Variants in SLC25A21 observed in about 807,000 individuals in gnomAD.
The protein encoded by SLC25A21 is solute carrier family 25 member 21, also known as mitochondrial 2-oxodicarboxylate carrier.
A neutral mutation model predicts 43.8 loss-of-function variants in SLC25A21; 47 were observed. That is an observed-to-expected ratio of 1.07 (90% CI 0.85 to 1.37). The LOEUF (loss-of-function observed/expected upper bound fraction) is 1.37, where lower values mean the gene tolerates loss of function less well. Among genes scored for constraint, SLC25A21 ranks in the 40% most tolerant of loss-of-function variants. SLC25A21 has a pLI of 0.00. For synonymous variants in SLC25A21, 131 were observed against 121.3 expected (o/e 1.08, Z -0.52); for missense variants, 352 against 350.2 (o/e 1.00, Z -0.04).
chr14:37,115,915 A>G (rs1253088927), intron 1 of SLC25A21, among the ~76,000 whole-genome samples: 2 of 152,206 alleles, frequency 1.3e-5, no homozygotes, highest in African/African-American at 4.8e-5. Context: ...TAAAGATTAA[A>G]CGTTTCTTCT....
rs1008390453 is a variant in SLC25A21, at chr14:36,856,626, C to T, written c.119+18330G>A. ...CACCCTGGAGAGAAGCTAGTTAGGG[C>T]TGTGCCAGACACATGTGTGAGTGAT... On this transcript the variant is annotated intron_variant, in intron 2 of 9. Transcript: ENST00000331299. Among the ~76,000 whole-genome samples, 118 of 152,204 alleles carry T rather than the reference C, an allele frequency of 7.8e-4. 1 individual carries two copies. The highest frequency in any genetic ancestry group is 2.1e-4 in the Non-Finnish European group (14 of 68,030).
intron 1 of SLC25A21, among the ~76,000 whole-genome samples, chr14:36,909,118 T>A (rs1891613932): frequency 1.3e-5 from 2 of 150,866 alleles, no homozygotes; most frequent in South Asian, 4.3e-4. Flanking sequence ...GGAGAAGGAA[T>A]AGATAACATG....
intron 1 of SLC25A21, among the ~76,000 whole-genome samples, chr14:37,012,956 A>T (rs1594752011): frequency 6.6e-6 from 1 of 152,354 alleles, no homozygotes; most frequent in South Asian, 2.1e-4. Flanking sequence ...CTGTGAACTT[A>T]GAATTCGGAG....
chr14:37,052,975 T>C (rs1458784214), intron 1 of SLC25A21, among the ~76,000 whole-genome samples: 1 of 152,206 alleles, frequency 6.6e-6, no homozygotes, highest in Admixed American at 6.5e-5. Flanking sequence ...GTCCTTTATA[T>C]AATCTAAGAA....
chr14:36,831,485 G>A (rs1323094922), intron 2 of SLC25A21, among the ~76,000 whole-genome samples: 4 of 152,138 alleles, frequency 2.6e-5, no homozygotes, highest in Admixed American at 2.0e-4. Flanking sequence ...TAGTATTTCT[G>A]TATATAGCTG....
At chr14:37,109,994 G>T (rs1962989119) in intron 1 of SLC25A21, among the ~76,000 whole-genome samples, 1 of 152,220 alleles carries the variant, frequency 6.6e-6, no homozygotes, top group South Asian at 2.1e-4. Flanking sequence ...CTATTACAAT[G>T]TTATTAAAAT....
chr14:36,717,060 C>A (rs1485227024), intron 6 of SLC25A21, among the ~76,000 whole-genome samples: 2 of 152,170 alleles, frequency 1.3e-5, no homozygotes, highest in Admixed American at 6.5e-5. Context: ...CAGAAAAACA[C>A]TGCTTTGTTT....
At chr14:36,838,754 C>T (rs965304981) in intron 2 of SLC25A21, among the ~76,000 whole-genome samples, 1 of 152,272 alleles carries the variant, frequency 6.6e-6, no homozygotes, top group South Asian at 2.1e-4. Context: ...TTCATGGTAA[C>T]GTGAAATGAT....
chr14:36,717,552 G>A (rs140838029), intron 6 of SLC25A21, among the ~76,000 whole-genome samples: 10 of 152,328 alleles, frequency 6.6e-5, no homozygotes, highest in South Asian at 4.1e-4. Flanking sequence ...GTGATGAGAC[G>A]CTCATGCTGT....
At chr14:37,078,549 C>T (rs1962327566) in intron 1 of SLC25A21, among the ~76,000 whole-genome samples, 1 of 152,092 alleles carries the variant, frequency 6.6e-6, no homozygotes, top group South Asian at 2.1e-4. Flanking sequence ...GCCATTCAGT[C>T]AAAGGCCCTT....
intron 1 of SLC25A21, among the ~76,000 whole-genome samples, chr14:37,085,887 C>T (rs373838162): frequency 1.9e-3 from 293 of 152,290 alleles, no homozygotes; most frequent in African/African-American, 6.4e-3. Flanking sequence ...AGGCAGATCA[C>T]GAGGTCAGGA....
intron 1 of SLC25A21, among the ~76,000 whole-genome samples, chr14:36,948,547 A>C (rs1892728747): frequency 6.6e-6 from 1 of 152,188 alleles, no homozygotes; most frequent in Admixed American, 6.5e-5. Flanking sequence ...ATCTAGTAGA[A>C]GAACATCATA....
At chr14:36,824,330 T>C (rs1888742608) in intron 2 of SLC25A21, among the ~76,000 whole-genome samples, 1 of 152,050 alleles carries the variant, frequency 6.6e-6, no homozygotes, top group Admixed American at 6.6e-5. Flanking sequence ...TTGAGGAAAA[T>C]TTCAAGGGAG....
chr14:36,747,321 G>A (rs892024116), intron 3 of SLC25A21, among the ~76,000 whole-genome samples: 4 of 152,160 alleles, frequency 2.6e-5, no homozygotes, highest in Non-Finnish European at 5.9e-5. Flanking sequence ...CCACATGTTA[G>A]CTGTTTACCC....
At chr14:36,887,742 G>A (rs999201849) in intron 1 of SLC25A21, among the ~76,000 whole-genome samples, 1 of 152,102 alleles carries the variant, frequency 6.6e-6, no homozygotes, top group African/African-American at 2.4e-5. Flanking sequence ...CATTTCTGGG[G>A]ACTCTGTTTG....
At chr14:36,745,583 T>G (rs963911439) in intron 3 of SLC25A21, among the ~76,000 whole-genome samples, 2 of 152,222 alleles carry the variant, frequency 1.3e-5, no homozygotes, top group Non-Finnish European at 2.9e-5. Flanking sequence ...TTTGCATTTC[T>G]CTGATGACCA....
chr14:37,017,159 G>A (rs2138748013), intron 1 of SLC25A21, among the ~76,000 whole-genome samples: 1 of 152,046 alleles, frequency 6.6e-6, no homozygotes, highest in Admixed American at 6.6e-5. Context: ...CCTAGCTTTT[G>A]GCCTATCTTA....
intron 7 of SLC25A21, among the ~76,000 whole-genome samples, chr14:36,686,340 T>C (rs1315700217): frequency 1.3e-5 from 2 of 152,074 alleles, no homozygotes; most frequent in Admixed American, 1.3e-4. Context: ...TTTAAATAAT[T>C]CCCTCTCCCC....
At position 37,098,774 on chromosome 14, in the gene SLC25A21, C is replaced by CAGATAGATAGAT. The variant is rs1446755880; in HGVS notation, c.70+73506_70+73507insATCTATCTATCT. Among the ~76,000 whole-genome samples, 220 of 119,926 alleles carry CAGATAGATAGAT rather than the reference C, an allele frequency of 1.8e-3. 2 individuals are homozygous for CAGATAGATAGAT. The highest frequency in any genetic ancestry group is 7.5e-3 in the African/African-American group (207 of 27,630). 78.7% of individuals were successfully genotyped at this position (119,926 alleles called of 152,430 possible). On this transcript the variant is annotated intron_variant, in intron 1 of 9. Coordinates refer to ENST00000331299, the MANE Select transcript of SLC25A21 (RefSeq NM_030631.4). ...ACAGACAGACAGACAGACAGACAGA[C>CAGATAGATAGAT]AGACAGACAGACAGATAGATAGATA...
Sources: gnomAD v4.1 joint callset for allele counts (sites outside exome capture counted in the v4.1 genomes callset) on GRCh38, gnomAD v4.1.1 for gene constraint, MANE v1.5 for transcripts, NCBI Gene and HGNC (gene_info 2026-07-23, HGNC 2026-07-21) for gene names.